The following LSAMP variants were observed in gnomAD, a reference collection of about 807,000 sequenced individuals.
LSAMP encodes the protein limbic system-associated membrane protein.
Under a neutral mutation model 38.6 loss-of-function variants are expected in LSAMP, and 7 were observed. The ratio of observed to expected loss-of-function variants is 0.18; its 90% CI spans 0.10 to 0.34. The LOEUF is 0.34. LSAMP is among the 10% of genes least tolerant of loss of function. LSAMP has a pLI of 1.00. For synonymous variants in LSAMP, 154 were observed against 166.8 expected (o/e 0.92, Z 0.59); for missense variants, 313 against 420.0 (o/e 0.75, Z 2.23).
intron 1 of LSAMP, among the ~76,000 whole-genome samples, chr3:116,101,641 A>G (rs1281753646): frequency 6.6e-6 from 1 of 152,146 alleles, no homozygotes; most frequent in African/African-American, 2.4e-5. Flanking sequence ...ATGCATTAGA[A>G]CTTATTTCCC....
At chr3:115,847,969 A>G (rs946881559) in intron 4 of LSAMP, among the ~76,000 whole-genome samples, 11 of 152,198 alleles carry the variant, frequency 7.2e-5, no homozygotes, top group Non-Finnish European at 1.5e-4. Context: ...GTTCTTGTCC[A>G]TATTGCAAAA....
intron 3 of LSAMP, among the ~76,000 whole-genome samples, chr3:115,872,997 T>C (rs1312467971): frequency 6.6e-6 from 1 of 152,132 alleles, no homozygotes; most frequent in Non-Finnish European, 1.5e-5. Context: ...TATGTAAACA[T>C]TCCCATTCAT....
At chr3:115,887,108 T>G (rs17712069) in intron 3 of LSAMP, among the ~76,000 whole-genome samples, 12,293 of 151,944 alleles carry the variant, frequency 0.081, 629 homozygotes, top group South Asian at 0.16. Context: ...CCTTAAAACA[T>G]GGGACAAAGG....
At chr3:116,140,891 T>C (rs1176405021) in intron 1 of LSAMP, among the ~76,000 whole-genome samples, 1 of 151,822 alleles carries the variant, frequency 6.6e-6, no homozygotes, top group African/African-American at 2.4e-5. Flanking sequence ...AAAAGAAGAA[T>C]AGGAAGAAAA....
intron 3 of LSAMP, among the ~76,000 whole-genome samples, chr3:115,878,355 A>G (rs763551281): frequency 6.6e-6 from 1 of 151,548 alleles, no homozygotes; most frequent in Non-Finnish European, 1.5e-5. Context: ...TGTTCTGGTT[A>G]TAAAGAGTGA....
intron 1 of LSAMP, among the ~76,000 whole-genome samples, chr3:116,241,323 T>C (rs1252855670): frequency 6.6e-6 from 1 of 152,266 alleles, no homozygotes; most frequent in East Asian, 1.9e-4. Flanking sequence ...TCCCAGCACT[T>C]TGGGAGGCTG....
chr3:116,290,830 T>C (rs2047257685), intron 1 of LSAMP, among the ~76,000 whole-genome samples: 1 of 151,646 alleles, frequency 6.6e-6, no homozygotes, highest in Non-Finnish European at 1.5e-5. Context: ...ATATAATCAA[T>C]CAGCCCTATT....
At chr3:116,187,181 G>A (rs975507713) in intron 1 of LSAMP, among the ~76,000 whole-genome samples, 2 of 152,094 alleles carry the variant, frequency 1.3e-5, no homozygotes, top group African/African-American at 2.4e-5. Flanking sequence ...CACAGGTGGT[G>A]TAGGTGATGC....
intron 1 of LSAMP, among the ~76,000 whole-genome samples, chr3:116,351,336 AG>A (rs2048136897): frequency 6.6e-6 from 1 of 152,030 alleles, no homozygotes; most frequent in South Asian, 2.1e-4. Flanking sequence ...ATCAAAAGCT[AG>A]ACATGTGAAG....
intron 1 of LSAMP, among the ~76,000 whole-genome samples, chr3:116,258,423 A>C (rs1427371902): frequency 6.6e-6 from 1 of 152,090 alleles, no homozygotes; most frequent in Non-Finnish European, 1.5e-5. Flanking sequence ...CCTCCATTTT[A>C]AAAATTAATG....
chr3:116,181,540 ACAT>A (rs1167295326), intron 1 of LSAMP, among the ~76,000 whole-genome samples: 1 of 152,078 alleles, frequency 6.6e-6, no homozygotes, highest in Non-Finnish European at 1.5e-5. Flanking sequence ...CTAAGGAGGC[ACAT>A]CATTCACAGT....
At chr3:116,342,810 T>A (rs1419164921) in intron 1 of LSAMP, among the ~76,000 whole-genome samples, 2 of 152,090 alleles carry the variant, frequency 1.3e-5, no homozygotes, top group African/African-American at 4.8e-5. Flanking sequence ...CAAGATATGC[T>A]CTATTGGAAG....
chr3:116,005,834 T>C (rs1171925336), intron 3 of LSAMP, among the ~76,000 whole-genome samples: 1 of 152,202 alleles, frequency 6.6e-6, no homozygotes, highest in Non-Finnish European at 1.5e-5. Context: ...ACAACCAGGG[T>C]TGGCTCTACT....
chr3:116,316,261 T>A (rs1303107552), intron 1 of LSAMP, among the ~76,000 whole-genome samples: 2 of 152,146 alleles, frequency 1.3e-5, no homozygotes, highest in African/African-American at 4.8e-5. Context: ...TAATCATTAG[T>A]AGTTATTGGC....
chr3:116,069,280 C>A (rs760554939), intron 2 of LSAMP, among the ~76,000 whole-genome samples: 1 of 152,184 alleles, frequency 6.6e-6, no homozygotes, highest in Non-Finnish European at 1.5e-5. Flanking sequence ...CCTTCTCACA[C>A]TCCATGTGTG....
At position 116,307,254 on chromosome 3, in the gene LSAMP, A is replaced by G. The variant is rs564141896; in HGVS notation, c.155+137623T>C. On this transcript the variant is annotated intron_variant, in intron 1 of 6. Coordinates refer to ENST00000490035, the MANE Select transcript of LSAMP (RefSeq NM_002338.5). ...AGAACACTATAATAAGTAATTTAGA[A>G]GAGCAGATAATCCAAAGTTCACCTC... Among the ~76,000 whole-genome samples the G allele has an allele frequency of 6.6e-5, 10 of 152,188 alleles. No individual in the cohort carries two copies. In the East Asian group the frequency reaches 1.9e-3, roughly 29 times the overall value.
At chr3:116,279,411 ACTT>A (rs2047097143) in intron 1 of LSAMP, among the ~76,000 whole-genome samples, 1 of 152,184 alleles carries the variant, frequency 6.6e-6, no homozygotes, top group African/African-American at 2.4e-5. Flanking sequence ...CAGAAAGTAT[ACTT>A]CTCTCCTTGT....
intron 1 of LSAMP, among the ~76,000 whole-genome samples, chr3:116,307,283 T>A (rs1260813880): frequency 6.6e-6 from 1 of 151,952 alleles, no homozygotes; most frequent in African/African-American, 2.4e-5. Context: ...TCACCTCTAT[T>A]TGGGTTTGTA....
chr3:116,160,408 AAGAGAGAG>A lies in LSAMP; in HGVS notation c.156-73860_156-73853del, dbSNP rs140256473. ...GAGCAAAACTCTGTTGAAAGAAAGA[AAGAGAGAG>A]AGGGAGGGAGGGAGGGAGAAAGGAA... On this transcript the variant is annotated intron_variant, in intron 1 of 6. Coordinates refer to ENST00000490035, the MANE Select transcript of LSAMP (RefSeq NM_002338.5). 1.7e-3 allele frequency among the ~76,000 whole-genome samples: 246 copies of A among 145,800 alleles called. 12 individuals carry two copies. The South Asian group carries it at 0.054, about 32-fold the overall frequency.
Sources: allele counts gnomAD v4.1 joint callset (sites outside exome capture counted in the v4.1 genomes callset), GRCh38; gene constraint gnomAD v4.1.1; transcripts MANE v1.5; gene names NCBI Gene and HGNC (gene_info 2026-07-23, HGNC 2026-07-21).